Variants in DAAM1 observed in about 807,000 individuals in gnomAD.
DAAM1 encodes disheveled-associated activator of morphogenesis 1.
Under a neutral mutation model 130.0 loss-of-function variants are expected in DAAM1, and 52 were observed. That is an observed-to-expected ratio of 0.40 (90% CI 0.32 to 0.50). The LOEUF is 0.50. DAAM1 is among the 20% of genes least tolerant of loss of function. DAAM1 has a pLI of 0.61. For missense variants in DAAM1, 1,134 were observed against 1,303.8 expected (o/e 0.87, Z 2.01); for synonymous variants, 452 against 444.5 (o/e 1.02, Z -0.21).
At position 59,331,406 on chromosome 14, in the gene DAAM1, C is replaced by A. The variant is rs866783308; in HGVS notation, c.1758C>A (p.Ile586=). 1.9e-6 allele frequency: 3 copies of A among 1,612,694 alleles called. No individual in the cohort carries two copies. Among genetic ancestry groups the A allele is most frequent in the Non-Finnish European group, 2.5e-6 (3 of 1,179,500 alleles). ...CAGGGCCTCCTCCCTTAGGGGCAATCATGCCACCTCCTGGTGCTCCAATGG... is the reference window on the plus strand; with the variant it reads ...CAGGGCCTCCTCCCTTAGGGGCAATAATGCCACCTCCTGGTGCTCCAATGG... ...PPPGPPPLGA[I]MPPPGAPMGL... The change falls in exon 14 of 25, where the codon ATC becomes ATA. Residue 586 remains isoleucine (I), a synonymous_variant. Transcript: ENST00000360909.
intron 3 of DAAM1, among the ~76,000 whole-genome samples, chr14:59,298,418 T>A (rs1884040367): frequency 6.6e-6 from 1 of 152,222 alleles, no homozygotes; most frequent in Admixed American, 6.5e-5. Flanking sequence ...ACCACCCAGT[T>A]TTTTTAAGCA....
At chr14:59,243,554 T>C (rs34255509) in intron 1 of DAAM1, among the ~76,000 whole-genome samples, 24,421 of 152,170 alleles carry the variant, frequency 0.16, 2,432 homozygotes, top group East Asian at 0.32. Context: ...TTTACAGATA[T>C]CAAGAGCTAT....
At chr14:59,215,426 T>G (rs1475281629) in intron 1 of DAAM1, among the ~76,000 whole-genome samples, 1 of 152,244 alleles carries the variant, frequency 6.6e-6, no homozygotes, top group East Asian at 1.9e-4. Context: ...AAGAGCTGAA[T>G]CAAGGCTTGT....
chr14:59,370,322 A>T lies in DAAM1; in HGVS notation c.*1463A>T, dbSNP rs1377084498. ...CTAAATTGAGTTTTTCAGTCAATTAACAAATATTTATTAAGTTCCTACTAT... is the reference window on the plus strand; with the variant it reads ...CTAAATTGAGTTTTTCAGTCAATTATCAAATATTTATTAAGTTCCTACTAT... On this transcript the variant is annotated 3_prime_UTR_variant, in exon 25 of 25. Coordinates refer to ENST00000360909, the MANE Select transcript of DAAM1 (RefSeq NM_001270520.2). 6.6e-6 allele frequency: 1 copy of T among 151,980 alleles called. No homozygotes were observed. The highest frequency in any genetic ancestry group is 2.4e-5 in the African/African-American group (1 of 41,386). The allele number at this position is 151,980 out of a possible 1,614,324, so 9.4% of individuals were successfully genotyped here. A position where few individuals can be genotyped will look rare whatever the true frequency, so the allele number is the denominator to read the frequency against.
chr14:59,195,270 A>T (rs948750074), intron 1 of DAAM1, among the ~76,000 whole-genome samples: 12 of 150,716 alleles, frequency 8.0e-5, no homozygotes, highest in Non-Finnish European at 1.6e-4. Context: ...CAGCCTCCTG[A>T]GTAGCTGGGA....
rs143703461 is a variant in DAAM1 at position 59,258,112 on chromosome 14, A to G, written c.-37-5329A>G. On this transcript the variant is annotated intron_variant, in intron 1 of 24. Transcript: ENST00000360909. ...CCAAAGCACACAGGCATCTTTTCTCATTTTCATCCCTCTTCCCTTAGTGCC... is the reference window on the plus strand; with the variant it reads ...CCAAAGCACACAGGCATCTTTTCTCGTTTTCATCCCTCTTCCCTTAGTGCC... Among the ~76,000 whole-genome samples, 169 of 151,942 alleles carry G rather than the reference A, an allele frequency of 1.1e-3. 2 individuals are homozygous for G. The highest frequency in any genetic ancestry group is 3.9e-3 in the African/African-American group (161 of 41,414).
intron 2 of DAAM1, among the ~76,000 whole-genome samples, chr14:59,283,637 G>C (rs1038509188): frequency 2.0e-5 from 3 of 152,164 alleles, no homozygotes; most frequent in Admixed American, 1.3e-4. Context: ...ATGCTTAGTT[G>C]ATTTGCCAAT....
chr14:59,298,784 G>A (rs1284946419), intron 3 of DAAM1, among the ~76,000 whole-genome samples: 1 of 152,158 alleles, frequency 6.6e-6, no homozygotes, highest in African/African-American at 2.4e-5. Flanking sequence ...AATGATACCA[G>A]TGTTGGGTAT....
intron 15 of DAAM1, among the ~76,000 whole-genome samples, chr14:59,334,325 C>T (rs996029563): frequency 1.3e-5 from 2 of 152,154 alleles, no homozygotes; most frequent in African/African-American, 2.4e-5. Flanking sequence ...TGGAAATACT[C>T]AAGACCTATG....
intron 22 of DAAM1, among the ~76,000 whole-genome samples, chr14:59,361,098 C>T (rs1432847395): frequency 6.6e-6 from 1 of 152,180 alleles, no homozygotes; most frequent in African/African-American, 2.4e-5. Context: ...GAAACTGGAC[C>T]TAGTGTGCCA....
intron 2 of DAAM1, among the ~76,000 whole-genome samples, chr14:59,290,866 T>C (rs1883711737): frequency 6.6e-6 from 1 of 152,166 alleles, no homozygotes; most frequent in African/African-American, 2.4e-5. Flanking sequence ...ATGACCAATA[T>C]TTCTAAACTC....
chr14:59,321,008 A>C (rs1408906853), intron 5 of DAAM1, among the ~76,000 whole-genome samples: 1 of 152,212 alleles, frequency 6.6e-6, no homozygotes, highest in African/African-American at 2.4e-5. Context: ...ACATGTATGC[A>C]GATGTTCATA....
At chr14:59,283,861 C>T (rs898659268) in intron 2 of DAAM1, among the ~76,000 whole-genome samples, 4 of 152,144 alleles carry the variant, frequency 2.6e-5, no homozygotes, top group Non-Finnish European at 5.9e-5. Context: ...ACATCAAAGA[C>T]AGGCCGATGA....
intron 17 of DAAM1, among the ~76,000 whole-genome samples, chr14:59,350,896 C>T (rs1886266606): frequency 6.6e-6 from 1 of 152,186 alleles, no homozygotes; most frequent in African/African-American, 2.4e-5. Flanking sequence ...TCACTGACAC[C>T]TGTGCCTTCA....
At chr14:59,344,064 G>C (rs1290412110) in intron 16 of DAAM1, among the ~76,000 whole-genome samples, 2 of 152,134 alleles carry the variant, frequency 1.3e-5, no homozygotes, top group Non-Finnish European at 2.9e-5. Flanking sequence ...GGTGGCAGCG[G>C]GGGAGACAGA....
chr14:59,278,629 G>T (rs1379921949), intron 2 of DAAM1, among the ~76,000 whole-genome samples: 2 of 152,042 alleles, frequency 1.3e-5, no homozygotes, highest in African/African-American at 2.4e-5. Context: ...AAACTGAAAA[G>T]GTTCTTAAGG....
intron 2 of DAAM1, among the ~76,000 whole-genome samples, chr14:59,280,178 A>G (rs1883146720): frequency 7.0e-6 from 1 of 142,568 alleles, no homozygotes; most frequent in Non-Finnish European, 1.5e-5. Flanking sequence ...GTTAAGTGTT[A>G]CTTCAATGTA....
At chr14:59,290,278 G>A (rs1342356847) in intron 2 of DAAM1, among the ~76,000 whole-genome samples, 2 of 152,106 alleles carry the variant, frequency 1.3e-5, no homozygotes, top group Non-Finnish European at 2.9e-5. Context: ...TTCAGTCTAA[G>A]CAGTACACCA....
intron 2 of DAAM1, among the ~76,000 whole-genome samples, chr14:59,268,929 G>A (rs754094911): frequency 9.2e-5 from 14 of 152,144 alleles, no homozygotes; most frequent in Admixed American, 1.3e-4. Flanking sequence ...CAACCTATCC[G>A]AAGAGTCCTA....
Sources: allele counts gnomAD v4.1 joint callset (sites outside exome capture counted in the v4.1 genomes callset), GRCh38; gene constraint gnomAD v4.1.1; transcripts MANE v1.5; gene names NCBI Gene and HGNC (gene_info 2026-07-23, HGNC 2026-07-21).